Variants in TBC1D22A observed in about 807,000 individuals in gnomAD.
TBC1D22A encodes putative GTPase activator.
Under a neutral mutation model 60.2 loss-of-function variants are expected in TBC1D22A, and 38 were observed. The observed-to-expected ratio is 0.63, with a 90% CI of 0.49 to 0.83. The LOEUF is 0.83. Ranked by LOEUF, TBC1D22A falls within the 40% of genes least tolerant of loss-of-function variation. The pLI, the probability that TBC1D22A is intolerant of heterozygous loss-of-function variation, is 0.00. For synonymous variants in TBC1D22A, 302 were observed against 281.7 expected (o/e 1.07, Z -0.72); for missense variants, 628 against 701.0 (o/e 0.90, Z 1.18).
chr22:46,803,486 A>G lies in TBC1D22A; in HGVS notation c.637+5866A>G, dbSNP rs576051643. On this transcript the variant is annotated intron_variant, in intron 4 of 12. Coordinates refer to ENST00000337137, the MANE Select transcript of TBC1D22A (RefSeq NM_014346.5). The stretch of plus-strand genomic sequence containing the variant: ...CCGGCCCCCAGGAGCTGAGGCGGGG[A>G]GGGCGGTTGGTTCTTGCGACCCGGC... Among the ~76,000 whole-genome samples, 679 of 152,074 alleles carry G rather than the reference A, an allele frequency of 4.5e-3. 4 individuals carry two copies. The highest frequency in any genetic ancestry group is 0.016 in the African/African-American group (655 of 41,482).
intron 4 of TBC1D22A, among the ~76,000 whole-genome samples, chr22:46,839,974 G>A (rs1353278827): frequency 1.3e-5 from 2 of 152,160 alleles, no homozygotes; most frequent in African/African-American, 4.8e-5. Context: ...TTAAAGGTAA[G>A]AATTGAAACT....
chr22:47,110,957 G>T (rs1490534761), intron 11 of TBC1D22A, among the ~76,000 whole-genome samples: 1 of 152,240 alleles, frequency 6.6e-6, no homozygotes, highest in Non-Finnish European at 1.5e-5. Flanking sequence ...AGAGACATGG[G>T]TGGTGATTTG....
At chr22:46,764,773 T>C (rs1164403927) in intron 1 of TBC1D22A, among the ~76,000 whole-genome samples, 1 of 152,126 alleles carries the variant, frequency 6.6e-6, no homozygotes, top group African/African-American at 2.4e-5. Flanking sequence ...GAATAGTACA[T>C]TTACAAGCCA....
At chr22:46,832,224 A>G (rs1602063187) in intron 4 of TBC1D22A, among the ~76,000 whole-genome samples, 1 of 152,372 alleles carries the variant, frequency 6.6e-6, no homozygotes, top group East Asian at 1.9e-4. Context: ...GCCATGGGGC[A>G]GATCCAGAGC....
chr22:47,025,153 C>T (rs143797027), intron 10 of TBC1D22A, among the ~76,000 whole-genome samples: 1,985 of 152,270 alleles, frequency 0.013, 18 homozygotes, highest in Middle Eastern at 0.034. Flanking sequence ...TGGACAGAGA[C>T]ACAGTCACTG....
chr22:46,995,897 C>T (rs2075107415), intron 9 of TBC1D22A, among the ~76,000 whole-genome samples: 2 of 152,176 alleles, frequency 1.3e-5, no homozygotes, highest in African/African-American at 4.8e-5. Flanking sequence ...TGTGCTTGAA[C>T]CGTTTTCCAG....
chr22:46,808,958 T>G (rs2085269406), intron 4 of TBC1D22A, among the ~76,000 whole-genome samples: 1 of 152,230 alleles, frequency 6.6e-6, no homozygotes, highest in Non-Finnish European at 1.5e-5. Flanking sequence ...CCAGACTATG[T>G]TCAAATTGGT....
chr22:47,155,807 T>C (rs946774457), intron 12 of TBC1D22A, among the ~76,000 whole-genome samples: 1 of 152,256 alleles, frequency 6.6e-6, no homozygotes, highest in South Asian at 2.1e-4. Flanking sequence ...GCCTGACCTT[T>C]CTGTGCGGAG....
intron 11 of TBC1D22A, among the ~76,000 whole-genome samples, chr22:47,082,327 A>G (rs1227148831): frequency 6.6e-6 from 1 of 152,212 alleles, no homozygotes; most frequent in Non-Finnish European, 1.5e-5. Context: ...TAAAAGAACA[A>G]CTAAGTTTGA....
intron 7 of TBC1D22A, among the ~76,000 whole-genome samples, chr22:46,905,985 G>T (rs75787065): frequency 0.017 from 2,599 of 152,276 alleles, 75 homozygotes; most frequent in Middle Eastern, 0.054. Context: ...TGCCCCTTTT[G>T]CAGTTTCCTG....
rs199578073 is a variant in TBC1D22A at position 46,840,731 on chromosome 22, TA to T, written c.638-37921del. 7.7e-3 allele frequency among the ~76,000 whole-genome samples: 1,094 copies of T among 141,230 alleles called. 25 individuals carry two copies. Among genetic ancestry groups the T allele is most frequent in the Admixed American group, 0.056 (788 of 14,162 alleles). The allele number at this position is 141,230 out of a possible 152,430, so 92.7% of individuals were successfully genotyped here. ...CTGGGTGGCAGAGCGAGACTCTGTC[TA>T]CAAAAAAAAAAAAAAGACAAATGAT... On this transcript the variant is annotated intron_variant, in intron 4 of 12. Coordinates refer to ENST00000337137, the MANE Select transcript of TBC1D22A (RefSeq NM_014346.5).
intron 11 of TBC1D22A, among the ~76,000 whole-genome samples, chr22:47,078,577 A>G (rs2064324387): frequency 6.6e-6 from 1 of 152,266 alleles, no homozygotes; most frequent in African/African-American, 2.4e-5. Context: ...TGTGGCACGC[A>G]GTGCCGTGTC....
chr22:47,011,170 T>C (rs2061741333), intron 10 of TBC1D22A, among the ~76,000 whole-genome samples: 1 of 152,188 alleles, frequency 6.6e-6, no homozygotes, highest in Non-Finnish European at 1.5e-5. Context: ...CATCCTGGGT[T>C]GGTGCACAGG....
chr22:47,027,297 A>T (rs767023612), intron 10 of TBC1D22A, among the ~76,000 whole-genome samples: 8 of 152,154 alleles, frequency 5.3e-5, no homozygotes, highest in Non-Finnish European at 1.2e-4. Flanking sequence ...TGAATCAGAG[A>T]CCTATGTTTT....
chr22:47,094,542 T>C (rs2065097612), intron 11 of TBC1D22A, among the ~76,000 whole-genome samples: 2 of 152,322 alleles, frequency 1.3e-5, no homozygotes, highest in East Asian at 1.9e-4. Context: ...GCCTCTACAA[T>C]GGCATGAGCC....
intron 12 of TBC1D22A, among the ~76,000 whole-genome samples, chr22:47,165,826 C>G (rs975994763): frequency 5.3e-5 from 8 of 152,286 alleles, no homozygotes; most frequent in African/African-American, 1.7e-4. Context: ...CTGCAGACAG[C>G]TGGCACTCCA....
intron 12 of TBC1D22A, among the ~76,000 whole-genome samples, chr22:47,151,410 A>C (rs2067496746): frequency 6.6e-6 from 1 of 152,256 alleles, no homozygotes; most frequent in Admixed American, 6.5e-5. Flanking sequence ...AGACTTGAAC[A>C]ACTCGGGAAA....
At chr22:46,819,159 T>C (rs900284930) in intron 4 of TBC1D22A, among the ~76,000 whole-genome samples, 1 of 152,192 alleles carries the variant, frequency 6.6e-6, no homozygotes, top group Non-Finnish European at 1.5e-5. Flanking sequence ...TTTCTAAATA[T>C]AAAATCATGT....
At chr22:47,119,208 A>G (rs1220202924) in intron 12 of TBC1D22A, among the ~76,000 whole-genome samples, 1 of 152,230 alleles carries the variant, frequency 6.6e-6, no homozygotes, top group Non-Finnish European at 1.5e-5. Context: ...AACATTGCCA[A>G]AAGTCTTGGT....
Sources: gnomAD v4.1 joint callset for allele counts (sites outside exome capture counted in the v4.1 genomes callset) on GRCh38, gnomAD v4.1.1 for gene constraint, MANE v1.5 for transcripts, NCBI Gene and HGNC (gene_info 2026-07-23, HGNC 2026-07-21) for gene names.